Variants in KRTAP10-3 observed in about 807,000 individuals in gnomAD.
The protein encoded by KRTAP10-3 is keratin-associated protein 10-3.
For missense variants in KRTAP10-3, 341 were observed against 293.4 expected (o/e 1.16, Z -1.19); for synonymous variants, 151 against 126.2 (o/e 1.20, Z -1.32).
Position 44,558,448 on chromosome 21 carries a change from A to C in KRTAP10-3, c.268T>G (p.Cys90Gly). ...CQQSSCQPACCTSSPCQQACC... is the reference protein window; with the variant it reads ...CQQSSCQPACGTSSPCQQACC... The stretch of plus-strand genomic sequence containing the variant: ...GCCTGCTGGCAGGGGGAGGATGTGC[A>C]GCAAGCTGGCTGGCAGCTAGACTGC... Residue 90 changes from cysteine (C) to glycine (G), a missense_variant, in exon 1 of 1, where the codon TGC becomes GGC. Coordinates refer to ENST00000391620, the MANE Select transcript of KRTAP10-3 (RefSeq NM_198696.3). 6.2e-7 allele frequency: 1 copy of C among 1,614,108 alleles called. No individual in the cohort carries two copies. Among genetic ancestry groups the C allele is most frequent in the Non-Finnish European group, 8.5e-7 (1 of 1,179,952 alleles).
chr21:44,558,562 A>G lies in KRTAP10-3; in HGVS notation c.154T>C (p.Cys52Arg), dbSNP rs200710108. 601 of 1,613,226 alleles carry G rather than the reference A, an allele frequency of 3.7e-4. 1 individual carries two copies. In the African/African-American group the frequency reaches 5.2e-3, roughly 14 times the overall value. Residue 52 changes from cysteine to arginine, a missense_variant, in exon 1 of 1, where the codon TGT becomes CGT. Cys to Arg is a radical substitution (Grantham distance 180). Coordinates refer to ENST00000391620, the MANE Select transcript of KRTAP10-3 (RefSeq NM_198696.3). ...GCCTGGCAGCAGGGGCTGGACACAC[A>G]GCTCACTGGGGTGCAGACCAGGGTC... ...CLTLVCTPVSCVSSPCCQAAC... is the reference protein window; with the variant it reads ...CLTLVCTPVSRVSSPCCQAAC...
chr21:44,558,549 G>A lies in KRTAP10-3; in HGVS notation c.167C>T (p.Pro56Leu). 6.2e-7 allele frequency: 1 copy of A among 1,613,370 alleles called. No individual in the cohort carries two copies. The highest frequency in any genetic ancestry group is 8.5e-7 in the Non-Finnish European group (1 of 1,179,896). ...GGGCTCACAGGCCGCCTGGCAGCAG[G>A]GGCTGGACACACAGCTCACTGGGGT... Reference protein sequence around the residue: ...VCTPVSCVSSPCCQAACEPSP... With the variant: ...VCTPVSCVSSLCCQAACEPSP... The change falls in exon 1 of 1, where the codon CCC (proline) becomes CTC (leucine). Residue 56 changes from proline (P) to leucine (L), a missense_variant. Transcript: ENST00000391620.
rs782603853 is a variant in KRTAP10-3, at chr21:44,558,382, G to T, written c.334C>A (p.Pro112Thr). The change falls in exon 1 of 1, where the codon CCC (proline) becomes ACC (threonine). Residue 112 changes from proline to threonine, a missense_variant. By Grantham distance (38) the Pro-to-Thr change is conservative (BLOSUM62 -1). Coordinates refer to ENST00000391620, the MANE Select transcript of KRTAP10-3 (RefSeq NM_198696.3). ...CAGCAGACAGGCTTGCAGCAGACGG[G>T]CACACAGCAGACTGGCTTGCAGCAG... Reference protein sequence around the residue: ...PVCCKPVCCVPVCCKPVCCKP... With the variant: ...PVCCKPVCCVTVCCKPVCCKP... The T allele has an allele frequency of 3.7e-6, 6 of 1,613,288 alleles. No homozygotes were observed. The highest frequency in any genetic ancestry group is 1.7e-4 in the Middle Eastern group (1 of 6,050).
In KRTAP10-3 at chr21:44,557,992, G is replaced by C. The variant is rs2053561502; in HGVS notation, c.*58C>G. 3.2e-6 allele frequency: 5 copies of C among 1,560,126 alleles called. No individual in the cohort carries two copies. Among genetic ancestry groups the C allele is most frequent in the Non-Finnish European group, 3.5e-6 (4 of 1,150,874 alleles). On this transcript the variant is annotated 3_prime_UTR_variant, in exon 1 of 1. Transcript: ENST00000391620. ...ACTCAGACAGGGCTCAGGGCTGCAA[G>C]GATTTTCGGAAGTCAGAGATGGCCC...
At position 44,558,184 on chromosome 21, in the gene KRTAP10-3, A is replaced by T; in HGVS notation, c.532T>A (p.Cys178Ser). 1 of 1,548,494 alleles carries T rather than the reference A, an allele frequency of 6.5e-7. No homozygotes were observed. The highest frequency in any genetic ancestry group is 8.8e-7 in the Non-Finnish European group (1 of 1,135,902). The change falls in exon 1 of 1, where the codon TGT becomes AGT. Residue 178 changes from cysteine (C) to serine (S), a missense_variant. Coordinates refer to ENST00000391620, the MANE Select transcript of KRTAP10-3 (RefSeq NM_198696.3). ...GGCTGGCAGGTGGAGGCAGGGGCAC[A>T]GCAGGAGGGGATGGGCACACAGCAG... The part of the protein sequence containing the change: ...STCCVPIPSC[C>S]APASTCQPSC...
rs1306331669 is a variant in KRTAP10-3 at position 44,558,339 on chromosome 21, A to G, written c.377T>C (p.Val126Ala). ...KPVCCKPICC[V>A]PVCSGASSSC... ...AGAGGAAGCCCCAGAGCAGACGGGC[A>G]CACAGCAGATGGGCTTGCAGCAGAC... Residue 126 changes from valine to alanine, a missense_variant, in exon 1 of 1, where the codon GTG becomes GCG. Coordinates refer to ENST00000391620, the MANE Select transcript of KRTAP10-3 (RefSeq NM_198696.3). 6 of 1,613,142 alleles carry G rather than the reference A, an allele frequency of 3.7e-6. No homozygotes were observed. The Admixed American group carries it at 6.7e-5, about 18-fold the overall frequency.
rs1160201795 is a variant in KRTAP10-3 at position 44,557,946 on chromosome 21, C to A, written c.*104G>T. On this transcript the variant is annotated 3_prime_UTR_variant, in exon 1 of 1. Coordinates refer to ENST00000391620, the MANE Select transcript of KRTAP10-3 (RefSeq NM_198696.3). ...AGCTCAGCATTGCTGGCTGGAGGTGCAGTGGCTATGGGCAGAGGAGACTCA... is the reference window on the plus strand; with the variant it reads ...AGCTCAGCATTGCTGGCTGGAGGTGAAGTGGCTATGGGCAGAGGAGACTCA... 6 of 1,308,414 alleles carry A rather than the reference C, an allele frequency of 4.6e-6. No individual in the cohort carries two copies. The East Asian group carries it at 1.2e-4, about 26-fold the overall frequency. 81.1% of individuals were successfully genotyped at this position (1,308,414 alleles called of 1,614,324 possible).
In KRTAP10-3 at chr21:44,558,472, G is replaced by C. The variant is rs1041320230; in HGVS notation, c.244C>G (p.Gln82Glu). The change falls in exon 1 of 1, where the codon CAG (glutamine) becomes GAG (glutamate). Residue 82 changes from glutamine (Q) to glutamate (E), a missense_variant. Gln to Glu is a conservative substitution (Grantham distance 29). Transcript: ENST00000391620. Reference protein sequence around the residue: ...TSSCTPSCCQQSSCQPACCTS... With the variant: ...TSSCTPSCCQESSCQPACCTS... ...CAGCAAGCTGGCTGGCAGCTAGACT[G>C]CTGGCAGCACGAGGGCGTGCAGGAG... The C allele has an allele frequency of 6.2e-7, 1 of 1,614,106 alleles. No individual in the cohort carries two copies. Among genetic ancestry groups the C allele is most frequent in the Non-Finnish European group, 8.5e-7 (1 of 1,179,964 alleles).
At position 44,558,600 on chromosome 21, in the gene KRTAP10-3, G is replaced by C; in HGVS notation, c.116C>G (p.Pro39Arg). Residue 39 changes from proline to arginine, a missense_variant, in exon 1 of 1, where the codon CCG becomes CGG. Pro to Arg is a moderately radical substitution (Grantham distance 103). Transcript: ENST00000391620. The stretch of plus-strand genomic sequence containing the variant: ...GCAGACCAGGGTCAGGCAGGGGGCC[G>C]GGGCGCAGCAGCTGGTGGCGCAGCA... Reference protein sequence around the residue: ...PPCCATSCCAPAPCLTLVCTP... With the variant: ...PPCCATSCCARAPCLTLVCTP... 1.9e-6 allele frequency: 3 copies of C among 1,611,756 alleles called. No individual in the cohort carries two copies. The highest frequency in any genetic ancestry group is 1.1e-5 in the South Asian group (1 of 90,902).
At position 44,558,365 on chromosome 21, in the gene KRTAP10-3, A is replaced by G. The variant is rs1224658845; in HGVS notation, c.351T>C (p.Pro117=). Reference sequence around the variant, plus strand: ...CACAGCAGATGGGCTTGCAGCAGACAGGCTTGCAGCAGACGGGCACACAGC... The same window carrying G: ...CACAGCAGATGGGCTTGCAGCAGACGGGCTTGCAGCAGACGGGCACACAGC... ...PVCCVPVCCK[P]VCCKPICCVP... Residue 117 remains proline (P), a synonymous_variant, in exon 1 of 1, where the codon CCT becomes CCC. Transcript: ENST00000391620. The G allele has an allele frequency of 8.1e-6, 13 of 1,612,716 alleles. No homozygotes were observed. The highest frequency in any genetic ancestry group is 4.5e-5 in the East Asian group (2 of 44,810).
At position 44,558,719 on chromosome 21, in the gene KRTAP10-3, G is replaced by T; in HGVS notation, c.-4C>A. 1 of 1,587,858 alleles carries T rather than the reference G, an allele frequency of 6.3e-7. No individual in the cohort carries two copies. The highest frequency in any genetic ancestry group is 1.8e-4 in the Middle Eastern group (1 of 5,560). On this transcript the variant is annotated 5_prime_UTR_variant, in exon 1 of 1. Transcript: ENST00000391620. Reference sequence around the variant, plus strand: ...CGGACATGGTAGACGTGGCCATGCTGGGGTGGGGAGGAGGTGAGCTGGGGG... The same window carrying T: ...CGGACATGGTAGACGTGGCCATGCTTGGGTGGGGAGGAGGTGAGCTGGGGG...
rs2053587247 is a variant in KRTAP10-3, at chr21:44,558,685, T to C, written c.31A>G (p.Ser11Gly). ...ACCTGCCAGGAGTCAGAGTAAGCGC[T>C]GGAGCAGACGGACATGGTAGACGTG... MATSTMSVCSSAYSDSWQVDA... is the reference protein window; with the variant it reads MATSTMSVCSGAYSDSWQVDA... The change falls in exon 1 of 1, where the codon AGC becomes GGC. Residue 11 changes from serine (S) to glycine (G), a missense_variant. Transcript: ENST00000391620. The C allele has an allele frequency of 6.2e-7, 1 of 1,611,838 alleles. No homozygotes were observed. Among genetic ancestry groups the C allele is most frequent in the Non-Finnish European group, 8.5e-7 (1 of 1,179,048 alleles).
At position 44,558,743 on chromosome 21, in the gene KRTAP10-3, G is replaced by A; in HGVS notation, c.-28C>T. 7.0e-6 allele frequency: 11 copies of A among 1,574,828 alleles called. No individual in the cohort carries two copies. Among genetic ancestry groups the A allele is most frequent in the Non-Finnish European group, 9.5e-6 (11 of 1,159,970 alleles). On this transcript the variant is annotated 5_prime_UTR_variant, in exon 1 of 1. Transcript: ENST00000391620. ...TGGGGTGGGGAGGAGGTGAGCTGGGGGAGACGTGAGTGAGTGAGTGTGGGA... is the reference window on the plus strand; with the variant it reads ...TGGGGTGGGGAGGAGGTGAGCTGGGAGAGACGTGAGTGAGTGAGTGTGGGA...
In KRTAP10-3 at chr21:44,558,535, C is replaced by A; in HGVS notation, c.181G>T (p.Ala61Ser). 6.2e-7 allele frequency: 1 copy of A among 1,613,368 alleles called. No individual in the cohort carries two copies. The highest frequency in any genetic ancestry group is 8.5e-7 in the Non-Finnish European group (1 of 1,179,790). ...GACTGGCAGGGGCTGGGCTCACAGG[C>A]CGCCTGGCAGCAGGGGCTGGACACA... ...SCVSSPCCQA[A>S]CEPSPCQSGC... is the part of the protein sequence containing the mutation. The change falls in exon 1 of 1, where the codon GCC becomes TCC. Residue 61 changes from alanine to serine, a missense_variant. Coordinates refer to ENST00000391620, the MANE Select transcript of KRTAP10-3 (RefSeq NM_198696.3).
rs1347944584 is a variant in KRTAP10-3 at position 44,558,365 on chromosome 21, AGGCTTGCAGCAGACG to A, written c.336_350del (p.Val118_Pro122del). ...CACAGCAGATGGGCTTGCAGCAGAC[AGGCTTGCAGCAGACG>A]GGCACACAGCAGACTGGCTTGCAGC... On this transcript the variant is annotated inframe_deletion, in exon 1 of 1. Transcript: ENST00000391620. 1.1e-5 allele frequency: 18 copies of A among 1,612,716 alleles called. No individual in the cohort carries two copies. Among genetic ancestry groups the A allele is most frequent in the East Asian group, 2.2e-5 (1 of 44,810 alleles).
rs781913842 is a variant in KRTAP10-3 at position 44,558,443 on chromosome 21, T to G, written c.273A>C (p.Thr91=). Residue 91 remains threonine (T), a synonymous_variant, in exon 1 of 1, where the codon ACA becomes ACC. Coordinates refer to ENST00000391620, the MANE Select transcript of KRTAP10-3 (RefSeq NM_198696.3). ...AGCAGGCCTGCTGGCAGGGGGAGGA[T>G]GTGCAGCAAGCTGGCTGGCAGCTAG... is the stretch of plus-strand genomic sequence containing the variant. The part of the protein sequence containing the change: ...QQSSCQPACC[T]SSPCQQACCV... 110 of 1,612,362 alleles carry G rather than the reference T, an allele frequency of 6.8e-5. No individual in the cohort carries two copies. In the Admixed American group the frequency reaches 8.2e-4, roughly 12 times the overall value.
Position 44,558,602 on chromosome 21 carries a change from GGC to G in KRTAP10-3, c.112_113del (p.Ala38ProfsTer25), listed in dbSNP as rs782698234. The G allele has an allele frequency of 6.0e-5, 97 of 1,611,808 alleles. 1 individual carries two copies. Among genetic ancestry groups the G allele is most frequent in the South Asian group, 2.2e-4 (20 of 90,902 alleles). ...AGACCAGGGTCAGGCAGGGGGCCGGGGCGCAGCAGCTGGTGGCGCAGCAGGGG... is the reference window on the plus strand; with the variant it reads ...AGACCAGGGTCAGGCAGGGGGCCGGGGCAGCAGCTGGTGGCGCAGCAGGGG... The part of the protein sequence containing the change: ...EPPCCATSCC[A>X]PAPCLTLVCT... On this transcript the variant is annotated frameshift_variant, in exon 1 of 1. Transcript: ENST00000391620. LOFTEE classifies it low-confidence loss of function (END_TRUNC).
Position 44,558,226 on chromosome 21 carries a change from G to A in KRTAP10-3, c.490C>T (p.Pro164Ser). Residue 164 changes from proline (P) to serine (S), a missense_variant, in exon 1 of 1, where the codon CCC becomes TCC. Transcript: ENST00000391620. The part of the protein sequence containing the change: ...PSSSVSLLCR[P>S]VCRSTCCVPI... ...ACACAGCAGGTGGACCTGCACACGG[G>A]GCGGCAGAGGAGGGACACGGAGGAG... is the stretch of plus-strand genomic sequence containing the variant. 2 of 1,613,276 alleles carry A rather than the reference G, an allele frequency of 1.2e-6. No homozygotes were observed. The highest frequency in any genetic ancestry group is 1.7e-4 in the Middle Eastern group (1 of 6,038).
In KRTAP10-3 at chr21:44,558,542, G is replaced by A. The variant is rs1555920411; in HGVS notation, c.174C>T (p.Cys58=). The A allele has an allele frequency of 6.2e-7, 1 of 1,613,370 alleles. No individual in the cohort carries two copies. The highest frequency in any genetic ancestry group is 8.5e-7 in the Non-Finnish European group (1 of 1,179,822). Residue 58 remains cysteine (C), a synonymous_variant, in exon 1 of 1, where the codon TGC becomes TGT. Transcript: ENST00000391620. ...TPVSCVSSPC[C]QAACEPSPCQ... ...AGGGGCTGGGCTCACAGGCCGCCTG[G>A]CAGCAGGGGCTGGACACACAGCTCA...
Sources: gnomAD v4.1 joint callset for allele counts on GRCh38, gnomAD v4.1.1 for gene constraint, MANE v1.5 for transcripts, NCBI Gene and HGNC (gene_info 2026-07-23, HGNC 2026-07-21) for gene names.